ANO3: variants seen among roughly 807,000 people sequenced by gnomAD.
ANO3 encodes the protein anoctamin 3.
In ANO3, 99 loss-of-function variants were observed where a neutral mutation model predicts 144.8. The ratio of observed to expected loss-of-function variants is 0.68; its 90% CI spans 0.58 to 0.81. The LOEUF is 0.81. ANO3 is among the 30% of genes least tolerant of loss of function. The pLI is 0.00. For missense variants in ANO3, 905 were observed against 1,202.2 expected, an observed-to-expected ratio of 0.75 and a Z score of 3.66; for synonymous variants, 414 against 392.6, an observed-to-expected ratio of 1.05 and a Z score of -0.64.
chr11:26,621,674 T>A (rs12421216), intron 17 of ANO3, among the ~76,000 whole-genome samples: 4,743 of 152,256 alleles, frequency 0.031, 76 homozygotes, highest in African/African-American at 0.043. Flanking sequence ...CCCACTGAAA[T>A]TTGAGTTCTA....
At chr11:26,457,748 T>C (rs1859223715) in intron 3 of ANO3, among the ~76,000 whole-genome samples, 1 of 152,150 alleles carries the variant, frequency 6.6e-6, no homozygotes, top group Non-Finnish European at 1.5e-5. Context: ...CTTCAACATA[T>C]GAAGTGATTT....
At chr11:26,602,401 A>C (rs1851822846) in intron 17 of ANO3, among the ~76,000 whole-genome samples, 1 of 152,078 alleles carries the variant, frequency 6.6e-6, no homozygotes. Flanking sequence ...TCATCTTATC[A>C]GATACATTTA....
intron 17 of ANO3, among the ~76,000 whole-genome samples, chr11:26,616,593 C>A (rs955024759): frequency 6.6e-6 from 1 of 152,104 alleles, no homozygotes; most frequent in Non-Finnish European, 1.5e-5. Flanking sequence ...GGAAGGCAAG[C>A]ATGACAGCTC....
intron 1 of ANO3, among the ~76,000 whole-genome samples, chr11:26,215,559 A>G (rs1173127624): frequency 1.3e-5 from 2 of 151,978 alleles, no homozygotes; most frequent in Non-Finnish European, 2.9e-5. Flanking sequence ...CAATTTTTCT[A>G]AAAACTCTGG....
chr11:26,419,154 G>A (rs535054979), intron 1 of ANO3, among the ~76,000 whole-genome samples: 35 of 152,182 alleles, frequency 2.3e-4, no homozygotes, highest in African/African-American at 7.9e-4. Flanking sequence ...TGGCCAGAGC[G>A]GGAGGAAGAG....
At chr11:26,429,462 C>A (rs368321652) in intron 1 of ANO3, among the ~76,000 whole-genome samples, 159 of 142,336 alleles carry the variant, frequency 1.1e-3, no homozygotes, top group South Asian at 1.8e-3. Flanking sequence ...TCCAAAAGTT[C>A]AAAAAAAAAA....
intron 24 of ANO3, among the ~76,000 whole-genome samples, chr11:26,652,045 G>A (rs187317341): frequency 4.6e-5 from 7 of 151,940 alleles, no homozygotes; most frequent in Non-Finnish European, 7.4e-5. Context: ...CCTTGGATAC[G>A]CAGGTCCTTT....
At chr11:26,420,288 A>C (rs1857714833) in intron 1 of ANO3, among the ~76,000 whole-genome samples, 1 of 152,094 alleles carries the variant, frequency 6.6e-6, no homozygotes, top group African/African-American at 2.4e-5. Context: ...CTCTGGTGGT[A>C]GAAGTGCATA....
intron 1 of ANO3, among the ~76,000 whole-genome samples, chr11:26,360,221 C>T: frequency 8.3e-6 from 1 of 120,680 alleles, no homozygotes; most frequent in East Asian, 2.9e-4. Context: ...CTTTTGTTGC[C>T]TCCTGGTTCT....
exon 1 of ANO3, chr11:26,189,203 T>A (rs1235825390): frequency 1.0e-6 from 1 of 985,376 alleles, no homozygotes; most frequent in Non-Finnish European, 1.2e-6. Context: ...TTGAACTGGA[T>A]AATTTTTCTC....
chr11:26,385,147 A>G (rs1856689346), intron 1 of ANO3, among the ~76,000 whole-genome samples: 1 of 152,216 alleles, frequency 6.6e-6, no homozygotes. Context: ...TAAGACTCAT[A>G]ATGAATAAAT....
chr11:26,240,268 C>T (rs1490831370), intron 1 of ANO3, among the ~76,000 whole-genome samples: 1 of 152,102 alleles, frequency 6.6e-6, no homozygotes, highest in African/African-American at 2.4e-5. Flanking sequence ...TGTGATGGCA[C>T]TTGTGCATAT....
At chr11:26,546,524 A>T (rs572752003) in intron 11 of ANO3, among the ~76,000 whole-genome samples, 1 of 152,130 alleles carries the variant, frequency 6.6e-6, no homozygotes, top group Admixed American at 6.6e-5. Flanking sequence ...TTATTGCAGG[A>T]ACAAAACTGT....
intron 12 of ANO3, among the ~76,000 whole-genome samples, chr11:26,548,951 G>A (rs1849858995): frequency 6.8e-6 from 1 of 146,856 alleles, no homozygotes; most frequent in African/African-American, 2.5e-5. Flanking sequence ...CAATGAATTG[G>A]AAAAAAAAAA....
At chr11:26,423,566 AG>A (rs1018924063) in intron 1 of ANO3, among the ~76,000 whole-genome samples, 1 of 152,016 alleles carries the variant, frequency 6.6e-6, no homozygotes, top group African/African-American at 2.4e-5. Context: ...TTTAAAAAAA[AG>A]ATCAACGTAA....
At chr11:26,528,831 A>G (rs768574763) in intron 7 of ANO3, among the ~76,000 whole-genome samples, 5 of 151,694 alleles carry the variant, frequency 3.3e-5, no homozygotes, top group African/African-American at 4.8e-5. Context: ...CTACATGTCT[A>G]TACATCAACC....
intron 4 of ANO3, among the ~76,000 whole-genome samples, chr11:26,481,399 C>A (rs1298287646): frequency 6.6e-6 from 1 of 152,140 alleles, no homozygotes; most frequent in Non-Finnish European, 1.5e-5. Context: ...AATCTATCCT[C>A]ATTTTTCTTT....
At chr11:26,612,818 C>T (rs957322919) in intron 17 of ANO3, among the ~76,000 whole-genome samples, 2 of 151,920 alleles carry the variant, frequency 1.3e-5, no homozygotes, top group African/African-American at 4.8e-5. Flanking sequence ...TTAAATATAA[C>T]AACCCATTTT....
intron 1 of ANO3, among the ~76,000 whole-genome samples, chr11:26,437,258 A>G (rs549631528): frequency 6.6e-6 from 1 of 152,180 alleles, no homozygotes; most frequent in East Asian, 1.9e-4. Context: ...CTGGGCATCA[A>G]AAGTTCCTGG....
Sources: gnomAD v4.1 joint callset for allele counts (sites outside exome capture counted in the v4.1 genomes callset) on GRCh38, gnomAD v4.1.1 for gene constraint, MANE v1.5 for transcripts, NCBI Gene and HGNC (gene_info 2026-07-23, HGNC 2026-07-21) for gene names.